Variants in TMEM132D observed in about 807,000 individuals in gnomAD.
TMEM132D encodes transmembrane protein 132D, also known as mature OL transmembrane protein.
TMEM132D carries 21 observed loss-of-function variants against 62.3 expected under a neutral mutation model. The observed-to-expected ratio is 0.34, with a 90% CI of 0.24 to 0.49. The LOEUF is 0.49. TMEM132D is among the 20% of genes least tolerant of loss of function. The pLI, the probability that TMEM132D is intolerant of heterozygous loss-of-function variation, is 0.99. For missense variants in TMEM132D, 1,346 were observed against 1,402.8 expected (o/e 0.96, Z 0.65); for synonymous variants, 621 against 575.6 (o/e 1.08, Z -1.13).
At chr12:129,132,754 C>T (rs1007890159) in intron 5 of TMEM132D, among the ~76,000 whole-genome samples, 4 of 152,190 alleles carry the variant, frequency 2.6e-5, no homozygotes, top group African/African-American at 9.7e-5. Flanking sequence ...TACACCTTAA[C>T]TATGTACACC....
chr12:129,726,248 T>A (rs1371442170), intron 1 of TMEM132D, among the ~76,000 whole-genome samples: 1 of 152,138 alleles, frequency 6.6e-6, no homozygotes, highest in Non-Finnish European at 1.5e-5. Flanking sequence ...ATCACAGCCA[T>A]GAGTACGGCC....
At chr12:129,347,987 A>G (rs147363198) in intron 3 of TMEM132D, among the ~76,000 whole-genome samples, 28,339 of 152,228 alleles carry the variant, frequency 0.19, 2,729 homozygotes, top group Non-Finnish European at 0.2. Context: ...GAGAAATGCA[A>G]ATCAAAACCA....
In TMEM132D at chr12:129,708,068, T is replaced by A. The variant is rs117108098; in HGVS notation, c.80-7370A>T. Among the ~76,000 whole-genome samples, 7 of 152,042 alleles carry A rather than the reference T, an allele frequency of 4.6e-5. No individual in the cohort carries two copies. The East Asian group carries it at 1.4e-3, about 30-fold the overall frequency. ...CCTGTCTCTACTAAAAACACAAAGA[T>A]CAGCTGGGCGTGGTGGCATGCACCT... On this transcript the variant is annotated intron_variant, in intron 1 of 8. Coordinates refer to ENST00000422113, the MANE Select transcript of TMEM132D (RefSeq NM_133448.3).
intron 2 of TMEM132D, among the ~76,000 whole-genome samples, chr12:129,636,298 C>A (rs1202404797): frequency 6.6e-6 from 1 of 152,206 alleles, no homozygotes; most frequent in Non-Finnish European, 1.5e-5. Flanking sequence ...TCAAAAAAAT[C>A]TATTTTGGGT....
intron 2 of TMEM132D, among the ~76,000 whole-genome samples, chr12:129,625,461 G>A (rs1241909351): frequency 2.6e-5 from 4 of 152,166 alleles, no homozygotes; most frequent in Non-Finnish European, 5.9e-5. Flanking sequence ...ACCCAGGGGA[G>A]CTGGGAAAGT....
chr12:129,743,468 G>A (rs1869672362), intron 1 of TMEM132D, among the ~76,000 whole-genome samples: 1 of 152,164 alleles, frequency 6.6e-6, no homozygotes, highest in South Asian at 2.1e-4. Flanking sequence ...AGAAGAACGT[G>A]TTTGCTTCCC....
At chr12:129,265,524 C>A (rs535955503) in intron 4 of TMEM132D, among the ~76,000 whole-genome samples, 1 of 152,150 alleles carries the variant, frequency 6.6e-6, no homozygotes, top group Non-Finnish European at 1.5e-5. Flanking sequence ...CTCTCCATTG[C>A]CCTGGGGGTA....
intron 3 of TMEM132D, among the ~76,000 whole-genome samples, chr12:129,339,437 T>C (rs1046681544): frequency 2.3e-5 from 1 of 43,894 alleles, no homozygotes; most frequent in Non-Finnish European, 5.4e-5. Flanking sequence ...CTGTGAGTAA[T>C]GAAGGGGAAA....
intron 3 of TMEM132D, among the ~76,000 whole-genome samples, chr12:129,456,873 G>A (rs1032061932): frequency 4.6e-5 from 7 of 152,282 alleles, no homozygotes; most frequent in South Asian, 2.1e-4. Flanking sequence ...AGGGAGCATC[G>A]TATTAGACTT....
At chr12:129,280,500 T>C (rs1566020586) in intron 4 of TMEM132D, among the ~76,000 whole-genome samples, 1 of 152,206 alleles carries the variant, frequency 6.6e-6, no homozygotes, top group Non-Finnish European at 1.5e-5. Context: ...CAGATGATTG[T>C]TTCCTTATAC....
chr12:129,152,355 G>C (rs10773602), intron 5 of TMEM132D, among the ~76,000 whole-genome samples: 139,444 of 152,232 alleles, frequency 0.92, 64,041 homozygotes, highest in South Asian at 0.93. Flanking sequence ...CAGAGCCCCA[G>C]GTCCATCTCA....
At chr12:129,753,189 G>T (rs1349804205) in intron 1 of TMEM132D, among the ~76,000 whole-genome samples, 2 of 152,202 alleles carry the variant, frequency 1.3e-5, no homozygotes, top group African/African-American at 4.8e-5. Context: ...GTCTGTTGGT[G>T]CAGCTATCCT....
intron 2 of TMEM132D, among the ~76,000 whole-genome samples, chr12:129,665,917 G>C (rs1178959868): frequency 6.6e-6 from 1 of 152,020 alleles, no homozygotes; most frequent in African/African-American, 2.4e-5. Flanking sequence ...GAATTACCTA[G>C]TTTACAATTG....
intron 5 of TMEM132D, among the ~76,000 whole-genome samples, chr12:129,170,794 C>A (rs533513277): frequency 3.0e-5 from 4 of 133,512 alleles, no homozygotes; most frequent in Non-Finnish European, 4.9e-5. Context: ...AGCGACCCAG[C>A]GAGACTCCAA....
chr12:129,792,234 C>T (rs1312515701), intron 1 of TMEM132D, among the ~76,000 whole-genome samples: 1 of 152,118 alleles, frequency 6.6e-6, no homozygotes, highest in Non-Finnish European at 1.5e-5. Context: ...GCACTGGAGA[C>T]AGTAGGGGAT....
At chr12:129,273,917 A>G (rs1213529147) in intron 4 of TMEM132D, among the ~76,000 whole-genome samples, 2 of 145,052 alleles carry the variant, frequency 1.4e-5, no homozygotes, top group Non-Finnish European at 3.0e-5. Context: ...ACAAAAGTTG[A>G]AAAAAAAAAA....
At chr12:129,387,816 A>G (rs1439019923) in intron 3 of TMEM132D, among the ~76,000 whole-genome samples, 32 of 137,732 alleles carry the variant, frequency 2.3e-4, no homozygotes, top group African/African-American at 4.7e-4. Flanking sequence ...ACTAACACGA[A>G]TCCTAATATA....
chr12:129,535,729 G>A (rs1039182677), intron 2 of TMEM132D, among the ~76,000 whole-genome samples: 1 of 151,572 alleles, frequency 6.6e-6, no homozygotes, highest in African/African-American at 2.4e-5. Context: ...GGGATAAAGG[G>A]GAATTTCAGT....
rs2137113673 is a variant in TMEM132D at position 129,561,840 on chromosome 12, T to C, written c.969-30635A>G. ...AGGTTTTCAGAAATAAATTTAATTATCAAAAGGGCAGAAGACCAGTTAAGG... is the reference window on the plus strand; with the variant it reads ...AGGTTTTCAGAAATAAATTTAATTACCAAAAGGGCAGAAGACCAGTTAAGG... On this transcript the variant is annotated intron_variant, in intron 2 of 8. Transcript: ENST00000422113. Among the ~76,000 whole-genome samples the C allele has an allele frequency of 2.0e-5, 3 of 152,306 alleles. No individual in the cohort carries two copies. In the South Asian group the frequency reaches 6.2e-4, roughly 32 times the overall value.
Sources: gnomAD v4.1 joint callset for allele counts (sites outside exome capture counted in the v4.1 genomes callset) on GRCh38, gnomAD v4.1.1 for gene constraint, MANE v1.5 for transcripts, NCBI Gene and HGNC (gene_info 2026-07-23, HGNC 2026-07-21) for gene names.